Variants in OR56A3 observed in about 807,000 individuals in gnomAD.
OR56A3 encodes the protein olfactory receptor 56A3.
In OR56A3, 23 loss-of-function variants were observed where a neutral mutation model predicts 17.5. That is an observed-to-expected ratio of 1.32 (90% confidence interval 0.95 to 1.87). The LOEUF (loss-of-function observed/expected upper bound fraction) is 1.87, where lower values mean the gene tolerates loss of function less well. OR56A3 is among the 40% of genes most tolerant of loss of function. The probability of loss-of-function intolerance (pLI) is 0.00; values close to 1 mark genes in which losing one functional copy is unlikely to be tolerated. For synonymous variants in OR56A3, 175 were observed against 150.6 expected, an observed-to-expected ratio of 1.16 and a Z score of -1.19; for missense variants, 366 against 380.1, an observed-to-expected ratio of 0.96 and a Z score of 0.31.
chr11:5,954,612 T>C (rs1847923798), downstream of OR56A3, among the ~76,000 whole-genome samples: 1 of 152,228 alleles, frequency 6.6e-6, no homozygotes, highest in Non-Finnish European at 1.5e-5. Context: ...ATACTGGCAA[T>C]ATTAATATTT....
At chr11:5,966,106 C>T in the OR56A3 span, among the ~76,000 whole-genome samples, 13 of 151,098 alleles carry the variant, frequency 8.6e-5, no homozygotes, top group Non-Finnish European at 1.6e-4. Flanking sequence ...CGTGGTGACT[C>T]ACACCTGTAA....
the OR56A3 span, among the ~76,000 whole-genome samples, chr11:5,960,615 C>G: frequency 6.6e-6 from 1 of 152,190 alleles, no homozygotes; most frequent in Non-Finnish European, 1.5e-5. Flanking sequence ...GCTACAACCT[C>G]CACCTCCCAG....
At chr11:6,010,568 C>A in the OR56A3 span, among the ~76,000 whole-genome samples, 6 of 152,174 alleles carry the variant, frequency 3.9e-5, no homozygotes, top group African/African-American at 1.4e-4. Context: ...ACCAGGCTCC[C>A]ATCAGACATT....
chr11:5,953,562 T>C (rs1847918959), downstream of OR56A3, among the ~76,000 whole-genome samples: 1 of 152,164 alleles, frequency 6.6e-6, no homozygotes, highest in Non-Finnish European at 1.5e-5. Context: ...GCTGACACCA[T>C]TGGTAGAAGA....
chr11:5,958,410 C>A, the OR56A3 span, among the ~76,000 whole-genome samples: 1 of 152,096 alleles, frequency 6.6e-6, no homozygotes, highest in East Asian at 1.9e-4. Flanking sequence ...TGTTACCTCT[C>A]TGAAGTGAAT....
At chr11:5,955,155 G>A (rs967962449), downstream of OR56A3, among the ~76,000 whole-genome samples, 2 of 152,138 alleles carry the variant, frequency 1.3e-5, no homozygotes, top group African/African-American at 4.8e-5. Context: ...AATACCTGGG[G>A]CATTCAGTAG....
the OR56A3 span, among the ~76,000 whole-genome samples, chr11:5,980,078 A>T: frequency 6.6e-6 from 1 of 151,934 alleles, no homozygotes; most frequent in African/African-American, 2.4e-5. Flanking sequence ...ATTTTGTTTA[A>T]TTTATTGAGA....
chr11:6,003,183 C>G, the OR56A3 span: 1 of 1,391,202 alleles, frequency 7.2e-7, no homozygotes, highest in Non-Finnish European at 9.8e-7. Context: ...GTATCATATG[C>G]CAGCCACAAT....
At chr11:5,998,769 C>T in the OR56A3 span, among the ~76,000 whole-genome samples, 28 of 152,274 alleles carry the variant, frequency 1.8e-4, no homozygotes, top group African/African-American at 6.3e-4. Context: ...CTGCTTTGAG[C>T]AGGGATTGCA....
chr11:5,943,895 T>G (rs1847853905), intron 1 of OR56A3, among the ~76,000 whole-genome samples: 1 of 152,212 alleles, frequency 6.6e-6, no homozygotes, highest in Admixed American at 6.5e-5. Flanking sequence ...TATGTGGAAT[T>G]TAACAGCCTA....
At chr11:5,946,090 G>A (rs1847867994) in intron 2 of OR56A3, among the ~76,000 whole-genome samples, 1 of 152,208 alleles carries the variant, frequency 6.6e-6, no homozygotes, top group Admixed American at 6.5e-5. Flanking sequence ...CCAAGCTACA[G>A]TGTTCTTTCT....
the OR56A3 span, among the ~76,000 whole-genome samples, chr11:5,978,581 GAA>G: frequency 6.6e-6 from 1 of 152,096 alleles, no homozygotes. Context: ...GAAATTTGCT[GAA>G]GTTTTTTTTA....
At chr11:5,966,535 G>A in the OR56A3 span, among the ~76,000 whole-genome samples, 1 of 152,090 alleles carries the variant, frequency 6.6e-6, no homozygotes, top group Non-Finnish European at 1.5e-5. Flanking sequence ...GCTACTAAAT[G>A]TTACTTAATC....
the OR56A3 span, among the ~76,000 whole-genome samples, chr11:5,959,043 G>A: frequency 6.6e-6 from 1 of 152,256 alleles, no homozygotes; most frequent in African/African-American, 2.4e-5. Context: ...GAACACATAG[G>A]TTAATTCCAT....
the OR56A3 span, among the ~76,000 whole-genome samples, chr11:6,012,770 A>G: frequency 2.0e-5 from 3 of 152,200 alleles, no homozygotes; most frequent in Non-Finnish European, 2.9e-5. Context: ...ACCAAGGGGC[A>G]CCTTTAGGCC....
chr11:5,984,824 C>T, the OR56A3 span, among the ~76,000 whole-genome samples: 2 of 152,090 alleles, frequency 1.3e-5, no homozygotes, highest in Non-Finnish European at 2.9e-5. Context: ...ATATGAAATC[C>T]CAAAATAAAT....
the OR56A3 span, among the ~76,000 whole-genome samples, chr11:5,990,653 G>C: frequency 4.6e-5 from 7 of 152,176 alleles, no homozygotes; most frequent in Non-Finnish European, 7.4e-5. Flanking sequence ...AGAAACAGTA[G>C]GGGAGGGAGG....
At chr11:6,002,319 A>G in the OR56A3 span, 1 of 1,614,176 alleles carries the variant, frequency 6.2e-7, no homozygotes, top group Non-Finnish European at 8.5e-7. Flanking sequence ...CACAACTTTC[A>G]ATATAAAAGA....
At chr11:5,995,113 AG>A in the OR56A3 span, 1 of 583,578 alleles carries the variant, frequency 1.7e-6, no homozygotes, top group Non-Finnish European at 3.1e-6. Flanking sequence ...GACGCAGCCC[AG>A]GGACCGGTAG....
Sources: allele counts gnomAD v4.1 joint callset (sites outside exome capture counted in the v4.1 genomes callset), GRCh38; gene constraint gnomAD v4.1.1; transcripts MANE v1.5; gene names NCBI Gene and HGNC (gene_info 2026-07-23, HGNC 2026-07-21).